The following STPG4 variants were observed in gnomAD, a reference collection of about 807,000 sequenced individuals.
STPG4 encodes protein STPG4.
Under a neutral mutation model 31.5 loss-of-function variants are expected in STPG4, and 41 were observed. That is an observed-to-expected ratio of 1.30 (90% CI 1.01 to 1.69). STPG4 has a LOEUF of 1.69. Ranked by LOEUF, STPG4 falls within the 40% of genes most tolerant of loss-of-function variation. STPG4 has a pLI of 0.00. For synonymous variants in STPG4, 141 were observed against 103.0 expected (o/e 1.37, Z -2.24); for missense variants, 375 against 293.4 (o/e 1.28, Z -2.03).
Position 47,155,260 on chromosome 2 carries a change from C to T in STPG4, c.-9G>A, listed in dbSNP as rs777695015. On this transcript the variant is annotated 5_prime_UTR_variant, in exon 1 of 7. Coordinates refer to ENST00000445927, the MANE Select transcript of STPG4 (RefSeq NM_001163561.2). Reference sequence around the variant, plus strand: ...ACGGCTGGCTGGTCCATGGTGGCCTCCTCTCTCTCTAGGCTGAACCTGAGC... The same window carrying T: ...ACGGCTGGCTGGTCCATGGTGGCCTTCTCTCTCTCTAGGCTGAACCTGAGC... 5.0e-6 allele frequency: 8 copies of T among 1,613,974 alleles called. No homozygotes were observed. The highest frequency in any genetic ancestry group is 1.1e-5 in the South Asian group (1 of 91,060).
At chr2:47,123,356 A>T (rs980782548) in intron 5 of STPG4, among the ~76,000 whole-genome samples, 2 of 152,170 alleles carry the variant, frequency 1.3e-5, no homozygotes, top group Non-Finnish European at 2.9e-5. Context: ...TAGCGATTTA[A>T]TTAATTAATT....
At chr2:47,096,331 G>C (rs1235568510) in intron 5 of STPG4, among the ~76,000 whole-genome samples, 1 of 152,180 alleles carries the variant, frequency 6.6e-6, no homozygotes, top group African/African-American at 2.4e-5. Flanking sequence ...AAGTACATTT[G>C]AGGCTGGTGG....
chr2:47,133,212 G>C (rs1461630465), intron 3 of STPG4, among the ~76,000 whole-genome samples: 1 of 151,590 alleles, frequency 6.6e-6, no homozygotes, highest in Admixed American at 6.6e-5. Flanking sequence ...CTGTCACCCA[G>C]GCTGGAATGC....
chr2:47,110,820 A>C (rs1033689411), intron 5 of STPG4, among the ~76,000 whole-genome samples: 1 of 152,186 alleles, frequency 6.6e-6, no homozygotes, highest in African/African-American at 2.4e-5. Flanking sequence ...GTGCTATTTT[A>C]ATAATTTTCC....
chr2:47,099,134 C>T (rs564528610), intron 5 of STPG4, among the ~76,000 whole-genome samples: 1 of 152,282 alleles, frequency 6.6e-6, no homozygotes, highest in African/African-American at 2.4e-5. Context: ...ACAAACCTGC[C>T]CCACCTCAAG....
intron 5 of STPG4, among the ~76,000 whole-genome samples, chr2:47,117,970 A>T (rs1346462865): frequency 6.6e-6 from 1 of 151,694 alleles, no homozygotes; most frequent in Non-Finnish European, 1.5e-5. Context: ...TCTGTTGCCC[A>T]GGCTGGTCTT....
At chr2:47,112,715 C>G (rs1686066775) in intron 5 of STPG4, among the ~76,000 whole-genome samples, 2 of 152,100 alleles carry the variant, frequency 1.3e-5, no homozygotes, top group Non-Finnish European at 2.9e-5. Flanking sequence ...TATTCTAAGT[C>G]AACAGGGCTC....
intron 6 of STPG4, among the ~76,000 whole-genome samples, chr2:47,088,494 C>A (rs1412830802): frequency 6.6e-6 from 1 of 152,210 alleles, no homozygotes; most frequent in Non-Finnish European, 1.5e-5. Context: ...GGAGCCTGGG[C>A]ATGGGCTTCC....
chr2:47,103,696 C>T (rs1424790930), intron 5 of STPG4, among the ~76,000 whole-genome samples: 1 of 152,004 alleles, frequency 6.6e-6, no homozygotes, highest in South Asian at 2.1e-4. Flanking sequence ...GAGGCAATCA[C>T]TGGAAGGTGC....
chr2:47,094,139 C>G (rs904878974), intron 5 of STPG4, among the ~76,000 whole-genome samples: 1 of 152,182 alleles, frequency 6.6e-6, no homozygotes, highest in African/African-American at 2.4e-5. Flanking sequence ...GTGTATGATA[C>G]GTGTGCAGAG....
chr2:47,092,364 T>C (rs539102309), intron 5 of STPG4, among the ~76,000 whole-genome samples: 68 of 148,332 alleles, frequency 4.6e-4, no homozygotes, highest in South Asian at 2.9e-3. Flanking sequence ...ACCTTGTCTC[T>C]AAAAAATATA....
rs145474165 is a variant in STPG4, at chr2:47,134,840, T to C, written c.400-4580A>G. On this transcript the variant is annotated intron_variant, in intron 3 of 6. Transcript: ENST00000445927. Reference sequence around the variant, plus strand: ...CTCACTAGCAATGAATGAGAGTTCCTGTTGCTCCACATCCTTGCCAGCTTT... The same window carrying C: ...CTCACTAGCAATGAATGAGAGTTCCCGTTGCTCCACATCCTTGCCAGCTTT... Among the ~76,000 whole-genome samples the C allele has an allele frequency of 8.4e-3, 1,280 of 152,362 alleles. 30 individuals are homozygous for C. The highest frequency in any genetic ancestry group is 0.028 in the African/African-American group (1,176 of 41,586).
intron 5 of STPG4, among the ~76,000 whole-genome samples, chr2:47,099,077 G>C (rs1439499297): frequency 6.6e-6 from 1 of 152,204 alleles, no homozygotes; most frequent in South Asian, 2.1e-4. Flanking sequence ...ATGACGGTCT[G>C]GGTTTCTAGT....
intron 3 of STPG4, among the ~76,000 whole-genome samples, chr2:47,147,010 C>T (rs1022189783): frequency 6.6e-6 from 1 of 152,018 alleles, no homozygotes; most frequent in Admixed American, 6.6e-5. Flanking sequence ...GTGGCTGGTG[C>T]GTGCTTATAG....
At chr2:47,130,694 T>C (rs373693352) in intron 3 of STPG4, among the ~76,000 whole-genome samples, 77 of 152,270 alleles carry the variant, frequency 5.1e-4, no homozygotes, top group African/African-American at 1.7e-3. Context: ...TTTGTATTTT[T>C]AGTAGAGACA....
At chr2:47,114,886 G>C (rs1442801722) in intron 5 of STPG4, among the ~76,000 whole-genome samples, 2 of 152,060 alleles carry the variant, frequency 1.3e-5, no homozygotes, top group Non-Finnish European at 2.9e-5. Context: ...TCCTGCCTCA[G>C]CATCCTAAGT....
At chr2:47,137,583 G>T (rs535811891) in intron 3 of STPG4, among the ~76,000 whole-genome samples, 1 of 152,244 alleles carries the variant, frequency 6.6e-6, no homozygotes, top group South Asian at 2.1e-4. Context: ...ATATTTGATA[G>T]AATTCACCTG....
At chr2:47,136,212 C>G (rs1468753536) in intron 3 of STPG4, among the ~76,000 whole-genome samples, 4 of 151,976 alleles carry the variant, frequency 2.6e-5, no homozygotes, top group African/African-American at 9.7e-5. Flanking sequence ...ATGGCGCAAT[C>G]TCAGCTCACT....
chr2:47,117,827 C>G (rs1264419818), intron 5 of STPG4, among the ~76,000 whole-genome samples: 2 of 152,136 alleles, frequency 1.3e-5, no homozygotes, highest in Non-Finnish European at 2.9e-5. Flanking sequence ...TGAACTCATT[C>G]TACTGCAAAG....
Sources: gnomAD v4.1 joint callset for allele counts (sites outside exome capture counted in the v4.1 genomes callset) on GRCh38, gnomAD v4.1.1 for gene constraint, MANE v1.5 for transcripts, NCBI Gene and HGNC (gene_info 2026-07-23, HGNC 2026-07-21) for gene names.